TSEN15: variants seen among roughly 807,000 people sequenced by gnomAD.
TSEN15 encodes tRNA splicing endonuclease subunit 15, also known as tRNA-splicing endonuclease subunit Sen15.
In TSEN15, 10 loss-of-function variants were observed where a neutral mutation model predicts 20.5. The observed-to-expected ratio is 0.49, with a 90% confidence interval of 0.30 to 0.83. TSEN15 has a LOEUF of 0.83. Ranked by LOEUF, TSEN15 falls within the 40% of genes least tolerant of loss-of-function variation. TSEN15 has a pLI of 0.06. For synonymous variants in TSEN15, 72 were observed against 80.1 expected, an observed-to-expected ratio of 0.90 and a Z score of 0.54; for missense variants, 180 against 218.6, an observed-to-expected ratio of 0.82 and a Z score of 1.11.
chr1:184,072,574 A>T (rs1650925773), intron 4 of TSEN15: 1 of 562,358 alleles, frequency 1.8e-6, no homozygotes, highest in South Asian at 2.5e-5. Flanking sequence ...CATGCATTTA[A>T]TTATTTAGTG....
At chr1:184,055,003 A>G (rs1392279579) in intron 3 of TSEN15, 140 bp downstream of exon 3, 1 of 929,686 alleles carries the variant, frequency 1.1e-6, no homozygotes, top group East Asian at 2.7e-5. Context: ...AATAAGTTAA[A>G]TATGAGTGTT....
At chr1:184,068,680 CTT>C (rs758356791) in intron 3 of TSEN15, among the ~76,000 whole-genome samples, 4 of 152,244 alleles carry the variant, frequency 2.6e-5, no homozygotes, top group Admixed American at 6.5e-5. Flanking sequence ...ATCCCTGAAA[CTT>C]TTCTTTGGGA....
chr1:184,065,843 AT>A (rs757082616), intron 3 of TSEN15, among the ~76,000 whole-genome samples: 10 of 152,060 alleles, frequency 6.6e-5, no homozygotes, highest in Non-Finnish European at 1.3e-4. Context: ...CCATTTTTAA[AT>A]TGGGTTTTCT....
At chr1:184,078,028 C>T (rs750906676), downstream of TSEN15, among the ~76,000 whole-genome samples, 3 of 152,130 alleles carry the variant, frequency 2.0e-5, no homozygotes, top group Non-Finnish European at 4.4e-5. Context: ...GGGTAAAATG[C>T]TATCAAGTAG....
intron 3 of TSEN15, among the ~76,000 whole-genome samples, chr1:184,079,337 C>A (rs1651120972): frequency 2.0e-5 from 3 of 152,120 alleles, no homozygotes; most frequent in Non-Finnish European, 2.9e-5. Context: ...GGTTATTTAT[C>A]AGTTTATCTT....
At chr1:184,056,862 C>T (rs1650266992) in intron 3 of TSEN15, among the ~76,000 whole-genome samples, 1 of 152,120 alleles carries the variant, frequency 6.6e-6, no homozygotes, top group African/African-American at 2.4e-5. Context: ...TTTGCCAATA[C>T]CATATCTCTT....
At chr1:184,076,794 C>T (rs1193608538), downstream of TSEN15, among the ~76,000 whole-genome samples, 1 of 152,114 alleles carries the variant, frequency 6.6e-6, no homozygotes, top group Admixed American at 6.6e-5. Flanking sequence ...CTACAACATT[C>T]CCTTAAGCCA....
exon 4 of TSEN15, chr1:184,095,965 G>C (rs1651442323): frequency 2.6e-6 from 1 of 380,944 alleles, no homozygotes. Flanking sequence ...AATAATTATT[G>C]ATAATGGCAC....
intron 3 of TSEN15, among the ~76,000 whole-genome samples, chr1:184,085,941 T>C (rs1483380941): frequency 6.6e-6 from 1 of 151,986 alleles, no homozygotes; most frequent in African/African-American, 2.4e-5. Flanking sequence ...AGAGGTGAGG[T>C]CATTGCATGA....
intron 3 of TSEN15, among the ~76,000 whole-genome samples, chr1:184,069,069 G>A (rs1650791574): frequency 1.3e-5 from 2 of 152,222 alleles, no homozygotes; most frequent in East Asian, 3.9e-4. Context: ...CATTTAAATA[G>A]CTTGGACTAA....
intron 3 of TSEN15, among the ~76,000 whole-genome samples, chr1:184,091,907 T>C (rs1651364388): frequency 6.6e-6 from 1 of 152,164 alleles, no homozygotes; most frequent in Non-Finnish European, 1.5e-5. Context: ...AATTTAGAAA[T>C]TGGCACTTTG....
intron 1 of TSEN15, among the ~76,000 whole-genome samples, chr1:184,053,436 C>A (rs1000206645): frequency 3.9e-5 from 6 of 152,150 alleles, no homozygotes; most frequent in Non-Finnish European, 7.4e-5. Flanking sequence ...AGCCTTGTAA[C>A]CTGGCTCAAA....
In TSEN15 at chr1:184,051,862, A is replaced by G; in HGVS notation, c.107A>G (p.Glu36Gly). 6.4e-7 allele frequency: 1 copy of G among 1,553,928 alleles called. No homozygotes were observed. The highest frequency in any genetic ancestry group is 1.9e-5 in the Admixed American group (1 of 52,746). ...DGGGAPSWAP[E>G]DAWMGTHPKY... ...GGTGGAGCTCCTTCGTGGGCCCCTG[A>G]GGACGCCTGGATGGGCACTCACCCT... is the stretch of plus-strand genomic sequence containing the variant. The change falls in exon 1 of 5, where the codon GAG becomes GGG. Residue 36 changes from glutamate (E) to glycine (G), a missense_variant. Glu to Gly is a moderately conservative substitution (Grantham distance 98, BLOSUM62 -2). Transcript: ENST00000645668.
Position 184,072,969 on chromosome 1 carries a change from C to A in TSEN15, c.*122C>A. On this transcript the variant is annotated 3_prime_UTR_variant, in exon 5 of 5. Transcript: ENST00000645668. Reference sequence around the variant, plus strand: ...CATAGTGAGGGTTGACTTCCCCATTCCATAAGGTTTTCATTCTGAAGAGTA... The same window carrying A: ...CATAGTGAGGGTTGACTTCCCCATTACATAAGGTTTTCATTCTGAAGAGTA... 2.2e-6 allele frequency: 2 copies of A among 928,522 alleles called. No individual in the cohort carries two copies. The highest frequency in any genetic ancestry group is 1.6e-5 in the South Asian group (1 of 62,028). The allele number at this position is 928,522 out of a possible 1,614,324, so 57.5% of individuals were successfully genotyped here. A position where few individuals can be genotyped will look rare whatever the true frequency, so the allele number is the denominator to read the frequency against.
intron 3 of TSEN15, among the ~76,000 whole-genome samples, chr1:184,084,322 G>A (rs1219982774): frequency 6.6e-6 from 1 of 151,950 alleles, no homozygotes; most frequent in Non-Finnish European, 1.5e-5. Context: ...GGACCTAGAT[G>A]TTTAGCAGGG....
chr1:184,072,286 G>T lies in TSEN15; in HGVS notation c.483G>T (p.Leu161=). The T allele has an allele frequency of 6.2e-6, 10 of 1,607,732 alleles. No homozygotes were observed. The highest frequency in any genetic ancestry group is 8.5e-6 in the Non-Finnish European group (10 of 1,177,436). ...ATAAACTTACTGATGGATTTATGCTGCCAGACCCTCAGGTCAGTTTTGAGG... is the reference window on the plus strand; with the variant it reads ...ATAAACTTACTGATGGATTTATGCTTCCAGACCCTCAGGTCAGTTTTGAGG... ...VYYKLTDGFM[L]PDPQNISLRR Residue 161 remains leucine (L), a synonymous_variant, in exon 4 of 5, where the codon CTG becomes CTT. Coordinates refer to ENST00000645668, the MANE Select transcript of TSEN15 (RefSeq NM_052965.4).
At chr1:184,088,585 ATTT>A (rs199533895) in intron 3 of TSEN15, among the ~76,000 whole-genome samples, 1 of 121,230 alleles carries the variant, frequency 8.2e-6, no homozygotes. Context: ...TGTTTTTTGT[ATTT>A]TTTTTTTTTT....
At chr1:184,066,669 G>A (rs1650674025) in intron 3 of TSEN15, among the ~76,000 whole-genome samples, 1 of 152,164 alleles carries the variant, frequency 6.6e-6, no homozygotes, top group Non-Finnish European at 1.5e-5. Flanking sequence ...GCCTCTTAAA[G>A]TGCTGGGGTT....
chr1:184,083,287 C>T (rs971358997), intron 3 of TSEN15, among the ~76,000 whole-genome samples: 13 of 152,168 alleles, frequency 8.5e-5, no homozygotes, highest in African/African-American at 3.1e-4. Context: ...AAATCACCAT[C>T]CCATGCGATT....
Sources: gnomAD v4.1 joint callset for allele counts (sites outside exome capture counted in the v4.1 genomes callset) on GRCh38, gnomAD v4.1.1 for gene constraint, MANE v1.5 for transcripts, NCBI Gene and HGNC (gene_info 2026-07-23, HGNC 2026-07-21) for gene names.